Variants in ZNF609 observed in about 807,000 individuals in gnomAD.
ZNF609 encodes zinc finger protein 609.
A neutral mutation model predicts 109.5 loss-of-function variants in ZNF609; 11 were observed. That is an observed-to-expected ratio of 0.10 (90% confidence interval 0.06 to 0.17). ZNF609 has a LOEUF of 0.17. Ranked by LOEUF, ZNF609 falls within the 10% of genes least tolerant of loss-of-function variation. The probability of loss-of-function intolerance (pLI) is 1.00; values close to 1 mark genes in which losing one functional copy is unlikely to be tolerated. For missense variants in ZNF609, 1,559 were observed against 1,772.4 expected (o/e 0.88, Z 2.16); for synonymous variants, 646 against 662.0 (o/e 0.98, Z 0.37).
intron 1 of ZNF609, among the ~76,000 whole-genome samples, chr15:64,497,329 G>A (rs1032171354): frequency 1.3e-5 from 2 of 152,086 alleles, no homozygotes; most frequent in African/African-American, 2.4e-5. Context: ...CACATCTACA[G>A]CTAAATGGCA....
chr15:64,563,613 A>G (rs996550534), intron 2 of ZNF609, among the ~76,000 whole-genome samples: 1 of 151,870 alleles, frequency 6.6e-6, no homozygotes, highest in Non-Finnish European at 1.5e-5. Flanking sequence ...CCCTGTCTCT[A>G]TGAAAAACAA....
intron 2 of ZNF609, among the ~76,000 whole-genome samples, chr15:64,591,698 G>A (rs532565428): frequency 6.6e-6 from 1 of 152,068 alleles, no homozygotes; most frequent in Admixed American, 6.6e-5. Context: ...AGGCAACATG[G>A]TGAGGTCCTA....
At chr15:64,635,862 C>G (rs1009443142) in intron 3 of ZNF609, among the ~76,000 whole-genome samples, 1 of 59,592 alleles carries the variant, frequency 1.7e-5, no homozygotes, top group East Asian at 7.1e-4. Flanking sequence ...TTAACTCGCT[C>G]TCTCTCTCTC....
Position 64,499,793 on chromosome 15 carries a change from C to T in ZNF609, c.374C>T (p.Ser125Leu). The change falls in exon 2 of 10, where the codon TCA (serine) becomes TTA (leucine). Residue 125 changes from serine to leucine, a missense_variant. Around this residue, in one of 4 missense-constraint regions of ZNF609, gnomAD observed 291 missense variants for 317.8 expected, o/e 0.92. Coordinates refer to ENST00000326648, the MANE Select transcript of ZNF609 (RefSeq NM_015042.2). ...AASKKEVQGR[S>L]GDGANAGGLV... is the part of the protein sequence containing the mutation. ...AGCAAGAAAGAGGTGCAGGGGCGCT[C>T]AGGAGATGGTGCCAATGCTGGAGGC... is the stretch of plus-strand genomic sequence containing the variant. 6.2e-7 allele frequency: 1 copy of T among 1,614,004 alleles called. No homozygotes were observed. Among genetic ancestry groups the T allele is most frequent in the Non-Finnish European group, 8.5e-7 (1 of 1,179,994 alleles).
intron 3 of ZNF609, among the ~76,000 whole-genome samples, chr15:64,626,218 C>T (rs1001990379): frequency 1.1e-4 from 16 of 151,910 alleles, no homozygotes; most frequent in African/African-American, 3.1e-4. Context: ...CAATAATATA[C>T]TCATCTTTTC....
At chr15:64,466,590 C>T (rs1305541304) in intron 1 of ZNF609, among the ~76,000 whole-genome samples, 1 of 152,134 alleles carries the variant, frequency 6.6e-6, no homozygotes, top group Non-Finnish European at 1.5e-5. Context: ...TAGATGGGGA[C>T]ATTTGCAGTG....
chr15:64,674,676 G>A lies in ZNF609; in HGVS notation c.1822G>A (p.Gly608Ser). 6.2e-7 allele frequency: 1 copy of A among 1,614,146 alleles called. No individual in the cohort carries two copies. ...DTDLGALSND[G>S]SDDGPSVMDE... is the part of the protein sequence containing the mutation. ...AGACCTTGGGGCCTTATCCAATGAT[G>A]GCTCTGATGATGGACCCTCAGTGAT... is the stretch of plus-strand genomic sequence containing the variant. The change falls in exon 5 of 10, where the codon GGC becomes AGC. Residue 608 changes from glycine (G) to serine (S), a missense_variant. By Grantham distance (56) the Gly-to-Ser change is moderately conservative (BLOSUM62 0). Coordinates refer to ENST00000326648, the MANE Select transcript of ZNF609 (RefSeq NM_015042.2).
intron 3 of ZNF609, among the ~76,000 whole-genome samples, chr15:64,655,827 C>T (rs2141000989): frequency 6.6e-6 from 1 of 151,868 alleles, no homozygotes; most frequent in South Asian, 2.1e-4. Context: ...AACTCTGTCT[C>T]AAGAAAAGTA....
intron 3 of ZNF609, among the ~76,000 whole-genome samples, chr15:64,648,512 G>T (rs554446341): frequency 3.2e-4 from 48 of 151,962 alleles, no homozygotes; most frequent in African/African-American, 1.1e-3. Flanking sequence ...AACCATACAG[G>T]CTTTAGTTGA....
In ZNF609 at chr15:64,678,177, A is replaced by C; in HGVS notation, c.3464A>C (p.Glu1155Ala). Residue 1155 changes from glutamate (E) to alanine (A), a missense_variant, in exon 6 of 10, where the codon GAG becomes GCG. By Grantham distance (107) the Glu-to-Ala change is moderately radical (BLOSUM62 -1). Coordinates refer to ENST00000326648, the MANE Select transcript of ZNF609 (RefSeq NM_015042.2). ...YPAKYSDIKS[E>A]DERWKEERDR... Reference sequence around the variant, plus strand: ...GCCAAGTACTCAGACATCAAGTCAGAGGATGAGCGGTGGAAGGAGGAGCGG... The same window carrying C: ...GCCAAGTACTCAGACATCAAGTCAGCGGATGAGCGGTGGAAGGAGGAGCGG... 6.2e-7 allele frequency: 1 copy of C among 1,614,170 alleles called. No individual in the cohort carries two copies. The highest frequency in any genetic ancestry group is 8.5e-7 in the Non-Finnish European group (1 of 1,180,030).
At chr15:64,476,302 A>AT (rs1893169104) in intron 1 of ZNF609, among the ~76,000 whole-genome samples, 1 of 151,490 alleles carries the variant, frequency 6.6e-6, no homozygotes, top group East Asian at 1.9e-4. Flanking sequence ...AAAAAAAAAA[A>AT]TCAACCTCAT....
Position 64,676,016 on chromosome 15 carries a change from C to A in ZNF609, c.3162C>A (p.Pro1054=), listed in dbSNP as rs779472977. ...PSIPPTLTKA[P]SLTDLVKSGP... is the part of the protein sequence containing the mutation. ...TTCCACCAACTCTCACCAAGGCCCC[C>A]AGCCTGACAGACCTGGTGAAATCAG... Residue 1054 remains proline, a synonymous_variant, in exon 5 of 10, where the codon CCC becomes CCA. Coordinates refer to ENST00000326648, the MANE Select transcript of ZNF609 (RefSeq NM_015042.2). The A allele has an allele frequency of 6.2e-7, 1 of 1,614,248 alleles. No homozygotes were observed. The highest frequency in any genetic ancestry group is 8.5e-7 in the Non-Finnish European group (1 of 1,180,054).
In ZNF609 at chr15:64,674,610, A is replaced by G; in HGVS notation, c.1756A>G (p.Lys586Glu). Residue 586 changes from lysine (K) to glutamate (E), a missense_variant, in exon 5 of 10, where the codon AAA (lysine) becomes GAA (glutamate). By Grantham distance (56) the Lys-to-Glu change is moderately conservative. Transcript: ENST00000326648. ...TTCTCCTTCAAGCAAATTCAGCACA[A>G]AAGGCCTCTGTAAGAAAAAGTTGAG... Reference protein sequence around the residue: ...SPSPSSKFSTKGLCKKKLSGE... With the variant: ...SPSPSSKFSTEGLCKKKLSGE... 6.2e-7 allele frequency: 1 copy of G among 1,614,054 alleles called. No homozygotes were observed. Among genetic ancestry groups the G allele is most frequent in the Non-Finnish European group, 8.5e-7 (1 of 1,180,016 alleles).
At position 64,562,761 on chromosome 15, in the gene ZNF609, T is replaced by C. The variant is rs551533486; in HGVS notation, c.748-60066T>C. Among the ~76,000 whole-genome samples the C allele has an allele frequency of 2.3e-4, 35 of 151,902 alleles. 2 individuals are homozygous for C. The East Asian group carries it at 5.6e-3, about 24-fold the overall frequency. On this transcript the variant is annotated intron_variant, in intron 2 of 9. Transcript: ENST00000326648. ...CAGCCAAAAAAAAAAAATTAACTCA[T>C]ACATTCATCCCTAAACAATCAAATC...
At chr15:64,592,660 C>T (rs987593180) in intron 2 of ZNF609, among the ~76,000 whole-genome samples, 8 of 151,544 alleles carry the variant, frequency 5.3e-5, no homozygotes, top group African/African-American at 1.9e-4. Context: ...ACGAGGCCCG[C>T]AATCCCAGCA....
At chr15:64,482,346 A>G (rs1273156374) in intron 1 of ZNF609, among the ~76,000 whole-genome samples, 1 of 152,092 alleles carries the variant, frequency 6.6e-6, no homozygotes, top group Non-Finnish European at 1.5e-5. Context: ...TATCCCAGAA[A>G]TGTTAACATT....
intron 1 of ZNF609, among the ~76,000 whole-genome samples, chr15:64,483,137 C>T (rs1455071053): frequency 6.6e-6 from 1 of 151,966 alleles, no homozygotes; most frequent in Admixed American, 6.5e-5. Flanking sequence ...CTCTTATCAC[C>T]CAGGCTGGAG....
chr15:64,623,158 A>G, intron 3 of ZNF609, 106 bp downstream of exon 3: 1 of 1,157,178 alleles, frequency 8.6e-7, no homozygotes, highest in Non-Finnish European at 1.3e-6. Context: ...TAGAGTCTCA[A>G]GTGTCCACAG....
At chr15:64,623,170 C>A (rs906999873) in intron 3 of ZNF609, 118 bp downstream of exon 3, 1 of 1,029,810 alleles carries the variant, frequency 9.7e-7, no homozygotes, top group Admixed American at 2.3e-5. Flanking sequence ...TGTCCACAGT[C>A]TGCGGGAGAT....
Sources: allele counts gnomAD v4.1 joint callset (sites outside exome capture counted in the v4.1 genomes callset), GRCh38; gene constraint gnomAD v4.1.1; regional missense constraint gnomAD v4.1.1; transcripts MANE v1.5; gene names NCBI Gene and HGNC (gene_info 2026-07-23, HGNC 2026-07-21).